PRPF38A: variants seen among roughly 807,000 people sequenced by gnomAD.
PRPF38A encodes pre-mRNA processing factor 38A.
In PRPF38A, 11 loss-of-function variants were observed where a neutral mutation model predicts 46.8. The observed-to-expected ratio is 0.24, with a 90% CI of 0.15 to 0.39. PRPF38A has a LOEUF of 0.39. Among genes scored for constraint, PRPF38A ranks in the 10% least tolerant of loss-of-function variants. The pLI, the probability that PRPF38A is intolerant of heterozygous loss-of-function variation, is 1.00. For missense variants in PRPF38A, 261 were observed against 407.5 expected (o/e 0.64, Z 3.10); for synonymous variants, 124 against 136.2 (o/e 0.91, Z 0.62).
Position 52,413,929 on chromosome 1 carries a change from G to A in PRPF38A, c.660G>A (p.Leu220=), listed in dbSNP as rs1461100196. Residue 220 remains leucine, a synonymous_variant, in exon 6 of 10, where the codon TTG becomes TTA. Coordinates refer to ENST00000257181, the MANE Select transcript of PRPF38A (RefSeq NM_032864.4). Reference sequence around the variant, plus strand: ...ACCGCCGGAGAAGCTACCGAGACTTGGACAAGCCCCGTCGCTCTCCCACAC... The same window carrying A: ...ACCGCCGGAGAAGCTACCGAGACTTAGACAAGCCCCGTCGCTCTCCCACAC... The part of the protein sequence containing the change: ...PDHRRRSYRD[L]DKPRRSPTLR... 2 of 1,613,834 alleles carry A rather than the reference G, an allele frequency of 1.2e-6. No homozygotes were observed. The highest frequency in any genetic ancestry group is 4.5e-5 in the East Asian group (2 of 44,862).
intron 8 of PRPF38A, 61 bp from the exon 9 acceptor site, chr1:52,415,277 G>A (rs374973221): frequency 1.4e-4 from 216 of 1,541,912 alleles, no homozygotes; most frequent in Non-Finnish European, 1.8e-4. Flanking sequence ...GGGGAGGTGA[G>A]AATGACAGTT....
At position 52,405,702 on chromosome 1, in the gene PRPF38A, C is replaced by T. The variant is rs771189699; in HGVS notation, c.153C>T (p.Ala51=). The change falls in exon 2 of 10, where the codon GCC becomes GCT. Residue 51 remains alanine (A), a synonymous_variant. Transcript: ENST00000257181. ...TAGCTGAACTTGTAGTCGATAAAGC[C>T]ATGGAGTTAAGGTTTGTGGGTGGCG... The part of the protein sequence containing the change: ...GLTAELVVDK[A]MELRFVGGVY... The T allele has an allele frequency of 6.2e-7, 1 of 1,613,486 alleles. No homozygotes were observed. Among genetic ancestry groups the T allele is most frequent in the South Asian group, 1.1e-5 (1 of 91,042 alleles).
intron 5 of PRPF38A, 60 bp from the exon 6 acceptor site, chr1:52,413,819 G>A: frequency 4.5e-6 from 5 of 1,105,968 alleles, no homozygotes; most frequent in Non-Finnish European, 6.9e-6. Flanking sequence ...TATAATTAGT[G>A]TTCCTAGATG....
intron 2 of PRPF38A, among the ~76,000 whole-genome samples, chr1:52,406,240 C>T (rs566623286): frequency 2.6e-5 from 4 of 152,092 alleles, no homozygotes; most frequent in East Asian, 1.9e-4. Flanking sequence ...CCCCTCCCCC[C>T]CCGGGCCTCC....
chr1:52,413,705 T>C (rs1648212415), intron 5 of PRPF38A, among the ~76,000 whole-genome samples, 174 bp from the exon 6 acceptor site: 1 of 152,198 alleles, frequency 6.6e-6, no homozygotes, highest in Admixed American at 6.5e-5. Flanking sequence ...TAGCTCATAA[T>C]AAGTTTTGTT....
At chr1:52,412,293 G>T (rs1420997364) in intron 4 of PRPF38A, among the ~76,000 whole-genome samples, 1 of 152,198 alleles carries the variant, frequency 6.6e-6, no homozygotes, top group African/African-American at 2.4e-5. Context: ...ACAGGGAATA[G>T]AGTCAATAGA....
chr1:52,411,209 TAA>T lies in PRPF38A; in HGVS notation c.498+12_498+13del. ...TTCTGCCCCGACTACAGGTAAGAAA[TAA>T]AAGTCTGTTACCAGAGTCACCCTTC... On this transcript the variant is annotated intron_variant, in intron 4 of 9. Coordinates refer to ENST00000257181, the MANE Select transcript of PRPF38A (RefSeq NM_032864.4). 6.3e-7 allele frequency: 1 copy of T among 1,599,618 alleles called. No individual in the cohort carries two copies. Among genetic ancestry groups the T allele is most frequent in the Non-Finnish European group, 8.6e-7 (1 of 1,167,716 alleles).
intron 5 of PRPF38A, among the ~76,000 whole-genome samples, 192 bp from the exon 6 acceptor site, chr1:52,413,687 G>C (rs1331253619): frequency 1.3e-5 from 2 of 152,162 alleles, no homozygotes; most frequent in Non-Finnish European, 2.9e-5. Context: ...CATTTTGGCT[G>C]TCTTATATAG....
chr1:52,412,753 A>G (rs1483155754), intron 5 of PRPF38A, 129 bp downstream of exon 5: 2 of 603,228 alleles, frequency 3.3e-6, no homozygotes, highest in Admixed American at 3.2e-5. Flanking sequence ...TAATCATAGC[A>G]CTTTGGGAGG....
At position 52,418,812 on chromosome 1, in the gene PRPF38A, G is replaced by A. The variant is rs897347920; in HGVS notation, c.*2122G>A. The A allele has an allele frequency of 6.6e-6, 1 of 152,158 alleles. No homozygotes were observed. The highest frequency in any genetic ancestry group is 1.5e-5 in the Non-Finnish European group (1 of 68,030). The allele number at this position is 152,158 out of a possible 1,614,324, so 9.4% of individuals were successfully genotyped here. On this transcript the variant is annotated 3_prime_UTR_variant, in exon 10 of 10. Transcript: ENST00000257181. ...TGACTACAGCATACATTTTAAAAAC[G>A]TATTTTACATCTTACCTCTGTACAC...
intron 1 of PRPF38A, 22 bp downstream of exon 1, chr1:52,404,901 G>A (rs778205160): frequency 6.2e-6 from 10 of 1,606,468 alleles, no homozygotes; most frequent in Admixed American, 3.4e-5. Context: ...CGCGCGGAGC[G>A]CCTCTCAGCC....
At chr1:52,406,505 A>G (rs1648002662) in intron 2 of PRPF38A, among the ~76,000 whole-genome samples, 1 of 152,084 alleles carries the variant, frequency 6.6e-6, no homozygotes, top group Non-Finnish European at 1.5e-5. Context: ...GTTCACATCC[A>G]GATTCTGTTG....
chr1:52,412,643 T>C lies in PRPF38A; in HGVS notation c.609+19T>C, dbSNP rs1648178961. The C allele has an allele frequency of 2.0e-6, 3 of 1,499,482 alleles. No individual in the cohort carries two copies. Among genetic ancestry groups the C allele is most frequent in the African/African-American group, 2.8e-5 (2 of 71,950 alleles). 92.9% of individuals were successfully genotyped at this position (1,499,482 alleles called of 1,614,324 possible). A position where few individuals can be genotyped will look rare whatever the true frequency, so the allele number is the denominator to read the frequency against. ...TGAGAAGGTCTGGCACCTGAGACTT[T>C]TATGGTTGTAGGGGAGGGAGTAATA... On this transcript the variant is annotated intron_variant, in intron 5 of 9. Transcript: ENST00000257181.
intron 5 of PRPF38A, 118 bp downstream of exon 5, chr1:52,412,742 G>A (rs1274898934): frequency 3.1e-6 from 2 of 649,684 alleles, no homozygotes; most frequent in East Asian, 2.9e-5. Flanking sequence ...GCTCAAGCCT[G>A]TAATCATAGC....
At chr1:52,416,054 G>A (rs989132670) in intron 9 of PRPF38A, among the ~76,000 whole-genome samples, 1 of 151,886 alleles carries the variant, frequency 6.6e-6, no homozygotes, top group East Asian at 1.9e-4. Context: ...ATTTTAGCCA[G>A]GATGGTCTCA....
Position 52,416,736 on chromosome 1 carries a change from G to A in PRPF38A, c.*46G>A, listed in dbSNP as rs774171454. On this transcript the variant is annotated 3_prime_UTR_variant, in exon 10 of 10. Transcript: ENST00000257181. ...TCCACATGGCCTCCTGTGGATATAA[G>A]GATATCTGTATGTGGAAGGATTAAG... is the stretch of plus-strand genomic sequence containing the variant. 25 of 1,372,240 alleles carry A rather than the reference G, an allele frequency of 1.8e-5. No homozygotes were observed. In the South Asian group the frequency reaches 2.7e-4, roughly 15 times the overall value. 85.0% of individuals were successfully genotyped at this position (1,372,240 alleles called of 1,614,324 possible).
rs1261064592 is a variant in PRPF38A, at chr1:52,418,060, C to T, written c.*1370C>T. 1.3e-5 allele frequency: 2 copies of T among 152,546 alleles called. No individual in the cohort carries two copies. The highest frequency in any genetic ancestry group is 2.9e-5 in the Non-Finnish European group (2 of 68,006). 9.4% of individuals were successfully genotyped at this position (152,546 alleles called of 1,614,324 possible). A position where few individuals can be genotyped will look rare whatever the true frequency, so the allele number is the denominator to read the frequency against. ...AGCAGGAACTGTGAAGACCAGCTGC[C>T]CTGCAGGATCCAGTTTTTCTTGGGA... is the stretch of plus-strand genomic sequence containing the variant. On this transcript the variant is annotated 3_prime_UTR_variant, in exon 10 of 10. Coordinates refer to ENST00000257181, the MANE Select transcript of PRPF38A (RefSeq NM_032864.4).
At position 52,417,092 on chromosome 1, in the gene PRPF38A, G is replaced by C. The variant is rs186776144; in HGVS notation, c.*402G>C. The C allele has an allele frequency of 0.012, 2,062 of 166,704 alleles. 45 individuals are homozygous for C. The highest frequency in any genetic ancestry group is 0.047 in the African/African-American group (1,962 of 42,028). 10.3% of individuals were successfully genotyped at this position (166,704 alleles called of 1,614,324 possible). ...TGAGAATCCTGGGATTTGTGCTGCTGCTGTTATTCAAAGATCAAAGGAGTA... is the reference window on the plus strand; with the variant it reads ...TGAGAATCCTGGGATTTGTGCTGCTCCTGTTATTCAAAGATCAAAGGAGTA... On this transcript the variant is annotated 3_prime_UTR_variant, in exon 10 of 10. Transcript: ENST00000257181.
rs868664646 is a variant in PRPF38A, at chr1:52,418,272, T to C, written c.*1582T>C. 1 of 152,522 alleles carries C rather than the reference T, an allele frequency of 6.6e-6. No homozygotes were observed. Among genetic ancestry groups the C allele is most frequent in the African/African-American group, 2.4e-5 (1 of 41,582 alleles). 9.4% of individuals were successfully genotyped at this position (152,522 alleles called of 1,614,324 possible). A position where few individuals can be genotyped will look rare whatever the true frequency, so the allele number is the denominator to read the frequency against. On this transcript the variant is annotated 3_prime_UTR_variant, in exon 10 of 10. Transcript: ENST00000257181. ...GCTCTTACGGTTTCTGATAGAACTA[T>C]ATAGGACTACCTTTTAAGATTAAAT...
Sources: allele counts gnomAD v4.1 joint callset (sites outside exome capture counted in the v4.1 genomes callset), GRCh38; gene constraint gnomAD v4.1.1; transcripts MANE v1.5; gene names NCBI Gene and HGNC (gene_info 2026-07-23, HGNC 2026-07-21).